PIGL: variants seen among roughly 807,000 people sequenced by gnomAD.
PIGL encodes the protein phosphatidylinositol glycan anchor biosynthesis class L.
Under a neutral mutation model 31.1 loss-of-function variants are expected in PIGL, and 22 were observed. The observed-to-expected ratio is 0.71, with a 90% CI of 0.51 to 1.01. The LOEUF is 1.01. Among genes scored for constraint, PIGL ranks in the 50% least tolerant of loss-of-function variants. The pLI is 0.00. For synonymous variants in PIGL, 131 were observed against 117.4 expected, an observed-to-expected ratio of 1.12 and a Z score of -0.75; for missense variants, 302 against 315.9, an observed-to-expected ratio of 0.96 and a Z score of 0.33.
chr17:16,267,581 A>G (rs1171076444), intron 2 of PIGL, among the ~76,000 whole-genome samples: 1 of 151,980 alleles, frequency 6.6e-6, no homozygotes, highest in African/African-American at 2.4e-5. Context: ...GCACACGCCT[A>G]TAGTTCCAGC....
intron 2 of PIGL, among the ~76,000 whole-genome samples, chr17:16,278,404 A>G (rs2092904284): frequency 1.3e-5 from 2 of 152,184 alleles, no homozygotes; most frequent in Admixed American, 6.5e-5. Context: ...CCCGATTCTT[A>G]ATAAAACTTT....
chr17:16,219,396 TC>T lies in PIGL; in HGVS notation c.235+1940del, dbSNP rs781369068. ...ATTTCTTAATTTGTTTAGTATCTTCTCCCCCAAAAACCTTTGTTACCAGTAA... is the reference window on the plus strand; with the variant it reads ...ATTTCTTAATTTGTTTAGTATCTTCTCCCCAAAAACCTTTGTTACCAGTAA... On this transcript the variant is annotated intron_variant, in intron 1 of 6. Transcript: ENST00000225609. 2.2e-4 allele frequency among the ~76,000 whole-genome samples: 33 copies of T among 151,856 alleles called. 1 individual carries two copies. Among genetic ancestry groups the T allele is most frequent in the Admixed American group, 1.3e-3 (20 of 15,208 alleles).
intron 2 of PIGL, among the ~76,000 whole-genome samples, chr17:16,287,149 C>G (rs1396362665): frequency 1.3e-5 from 2 of 152,332 alleles, no homozygotes; most frequent in East Asian, 1.9e-4. Flanking sequence ...GCGCAGGCAC[C>G]GAGAAGCCGC....
At chr17:16,324,615 T>C (rs1446054901) in intron 6 of PIGL, among the ~76,000 whole-genome samples, 3 of 152,144 alleles carry the variant, frequency 2.0e-5, no homozygotes, top group African/African-American at 7.2e-5. Context: ...CACCTCAGCC[T>C]CCCAAAGTGC....
At chr17:16,247,499 G>T (rs149517830) in intron 2 of PIGL, among the ~76,000 whole-genome samples, 3 of 152,188 alleles carry the variant, frequency 2.0e-5, no homozygotes. Flanking sequence ...GGGAGAAATG[G>T]GTGACAGGCC....
Position 16,320,174 on chromosome 17 carries a change from CAGAG to C in PIGL, c.660+2270_660+2273del, listed in dbSNP as rs1257588748. ...AGAGAGGAAGGAAGGGAGAAAGAGA[CAGAG>C]AGAAGGAGAGAGTGAGAGAAAGAAA... On this transcript the variant is annotated intron_variant, in intron 6 of 6. Coordinates refer to ENST00000225609, the MANE Select transcript of PIGL (RefSeq NM_004278.4). 3.1e-5 allele frequency among the ~76,000 whole-genome samples: 4 copies of C among 128,276 alleles called. No homozygotes were observed. The East Asian group carries it at 6.9e-4, about 22-fold the overall frequency. The allele number at this position is 128,276 out of a possible 152,430, so 84.2% of individuals were successfully genotyped here.
intron 2 of PIGL, among the ~76,000 whole-genome samples, chr17:16,269,962 A>G (rs1383679907): frequency 6.6e-6 from 1 of 152,032 alleles, no homozygotes; most frequent in Non-Finnish European, 1.5e-5. Flanking sequence ...AGCTGAAGCC[A>G]TATCCTGTTT....
In PIGL at chr17:16,317,776, G is replaced by C. The variant is rs1214466933; in HGVS notation, c.528G>C (p.Gly176=). 6.2e-7 allele frequency: 1 copy of C among 1,613,764 alleles called. No homozygotes were observed. The highest frequency in any genetic ancestry group is 8.5e-7 in the Non-Finnish European group (1 of 1,180,030). ...TCACCCTGTCTCCTCTCCATCCAGG[G>C]TGCTCTGTGCTCACGCTTCAGTCTG... ...ALHSEGKLPK[G]CSVLTLQSVN... Residue 176 remains glycine, a splice_region_variant and synonymous_variant, in exon 6 of 7, where the codon GGG becomes GGC. Coordinates refer to ENST00000225609, the MANE Select transcript of PIGL (RefSeq NM_004278.4).
chr17:16,311,690 G>GT (rs1335996206), intron 3 of PIGL, among the ~76,000 whole-genome samples: 2 of 149,802 alleles, frequency 1.3e-5, no homozygotes, highest in African/African-American at 4.9e-5. Flanking sequence ...TCAAGCATCT[G>GT]TTTAACAAAG....
At chr17:16,324,619 A>G (rs2093119626) in intron 6 of PIGL, among the ~76,000 whole-genome samples, 1 of 152,162 alleles carries the variant, frequency 6.6e-6, no homozygotes, top group Admixed American at 6.5e-5. Context: ...TCAGCCTCCC[A>G]AAGTGCTGGG....
At position 16,325,824 on chromosome 17, in the gene PIGL, C is replaced by T; in HGVS notation, c.685C>T (p.Gln229Ter). 6.2e-7 allele frequency: 1 copy of T among 1,613,892 alleles called. No homozygotes were observed. The highest frequency in any genetic ancestry group is 8.5e-7 in the Non-Finnish European group (1 of 1,179,788). Residue 229 changes from glutamine to a stop codon, truncating the protein, a stop_gained, in exon 7 of 7, where the codon CAG becomes TAG. Transcript: ENST00000225609. LOFTEE classifies it high-confidence loss of function. ...AKKAMSCHRSQLLWFRRLYII... is the reference protein window; with the variant it reads ...AKKAMSCHRS ...GAAAGCCATGTCCTGCCACCGCAGC[C>T]AGCTCCTCTGGTTCCGCCGCCTCTA...
intron 6 of PIGL, among the ~76,000 whole-genome samples, chr17:16,321,432 GT>G (rs2093105514): frequency 6.6e-6 from 1 of 151,796 alleles, no homozygotes; most frequent in Admixed American, 6.6e-5. Context: ...TAGACACGGG[GT>G]TTCGCCATGT....
rs777399162 is a variant in PIGL at position 16,282,137 on chromosome 17, G to T, written c.336-17751G>T. On this transcript the variant is annotated intron_variant, in intron 2 of 6. Coordinates refer to ENST00000225609, the MANE Select transcript of PIGL (RefSeq NM_004278.4). Reference sequence around the variant, plus strand: ...AGCTATCTGAGCATCACCAGACAGGGTCTTCCTGGGAATTAGCACATATCC... The same window carrying T: ...AGCTATCTGAGCATCACCAGACAGGTTCTTCCTGGGAATTAGCACATATCC... The T allele has an allele frequency of 1.5e-5, 7 of 458,170 alleles. No individual in the cohort carries two copies. In the Admixed American group the frequency reaches 1.6e-4, roughly 11 times the overall value. The allele number at this position is 458,170 out of a possible 1,614,324, so 28.4% of individuals were successfully genotyped here. A position where few individuals can be genotyped will look rare whatever the true frequency, so the allele number is the denominator to read the frequency against.
chr17:16,318,937 A>C (rs956724320), intron 6 of PIGL, among the ~76,000 whole-genome samples: 2 of 151,692 alleles, frequency 1.3e-5, no homozygotes, highest in Non-Finnish European at 2.9e-5. Flanking sequence ...CTCAAAAAAA[A>C]AACAACAAAA....
At chr17:16,316,777 A>G (rs1409458501) in intron 5 of PIGL, 65 bp downstream of exon 5, 3 of 1,597,702 alleles carry the variant, frequency 1.9e-6, no homozygotes, top group Non-Finnish European at 2.6e-6. Flanking sequence ...TATGAGGGGG[A>G]AATTTGCAAA....
intron 2 of PIGL, among the ~76,000 whole-genome samples, chr17:16,278,253 G>A (rs769019126): frequency 1.3e-5 from 2 of 152,118 alleles, no homozygotes; most frequent in African/African-American, 4.8e-5. Context: ...ACAGGGTTTC[G>A]CCATGTTGGC....
intron 2 of PIGL, among the ~76,000 whole-genome samples, chr17:16,269,212 G>A (rs541167672): frequency 2.0e-4 from 30 of 152,340 alleles, no homozygotes; most frequent in African/African-American, 5.8e-4. Flanking sequence ...TACACATAGG[G>A]CCATGTGGTC....
chr17:16,228,337 C>T (rs1268523788), intron 1 of PIGL, among the ~76,000 whole-genome samples: 2 of 151,950 alleles, frequency 1.3e-5, no homozygotes, highest in South Asian at 2.1e-4. Flanking sequence ...GGATTACAGG[C>T]GTGAGCCACT....
At chr17:16,300,152 C>T (rs2092998468) in intron 3 of PIGL, 174 bp downstream of exon 3, 1 of 590,076 alleles carries the variant, frequency 1.7e-6, no homozygotes, top group East Asian at 2.8e-5. Flanking sequence ...AGAACAAACA[C>T]ACCTTTTGAT....
Sources: gnomAD v4.1 joint callset for allele counts (sites outside exome capture counted in the v4.1 genomes callset) on GRCh38, gnomAD v4.1.1 for gene constraint, MANE v1.5 for transcripts, NCBI Gene and HGNC (gene_info 2026-07-23, HGNC 2026-07-21) for gene names.